The following PHLDB2 variants were observed in gnomAD, a reference collection of about 807,000 sequenced individuals.
PHLDB2 encodes the protein pleckstrin homology like domain family B member 2.
In PHLDB2, 71 loss-of-function variants were observed where a neutral mutation model predicts 123.6. That is an observed-to-expected ratio of 0.57 (90% CI 0.47 to 0.70). The LOEUF (loss-of-function observed/expected upper bound fraction) is 0.70, where lower values mean the gene tolerates loss of function less well. Ranked by LOEUF, PHLDB2 falls within the 30% of genes least tolerant of loss-of-function variation. The pLI is 0.00. For synonymous variants in PHLDB2, 547 were observed against 541.6 expected, an observed-to-expected ratio of 1.01 and a Z score of -0.14; for missense variants, 1,446 against 1,519.5, an observed-to-expected ratio of 0.95 and a Z score of 0.80.
intron 1 of PHLDB2, among the ~76,000 whole-genome samples, chr3:111,830,977 G>GA (rs1202224943): frequency 9.5e-5 from 4 of 42,286 alleles, no homozygotes; most frequent in Admixed American, 5.4e-4. Context: ...AAGAAAGAAA[G>GA]AAAGAAAGAA....
intron 1 of PHLDB2, among the ~76,000 whole-genome samples, chr3:111,760,089 C>T (rs1189409089): frequency 6.6e-6 from 1 of 152,218 alleles, no homozygotes; most frequent in African/African-American, 2.4e-5. Flanking sequence ...TTCACTTCCA[C>T]TAGGTCAGAG....
rs904094999 is a variant in PHLDB2 at position 111,938,965 on chromosome 3, G to A, written c.2131-510G>A. ...TGGGACTACAGGTGCCCACCACCACGCCCAGCTAACTTTTGTATTTTTAGT... is the reference window on the plus strand; with the variant it reads ...TGGGACTACAGGTGCCCACCACCACACCCAGCTAACTTTTGTATTTTTAGT... On this transcript the variant is annotated intron_variant, in intron 6 of 17. Coordinates refer to ENST00000431670, the MANE Select transcript of PHLDB2 (RefSeq NM_001134438.2). Among the ~76,000 whole-genome samples, 7 of 151,908 alleles carry A rather than the reference G, an allele frequency of 4.6e-5. No homozygotes were observed. The South Asian group carries it at 6.2e-4, about 14-fold the overall frequency.
chr3:111,970,584 G>A (rs2072107027), intron 16 of PHLDB2, among the ~76,000 whole-genome samples: 1 of 152,088 alleles, frequency 6.6e-6, no homozygotes, highest in Non-Finnish European at 1.5e-5. Context: ...CTTAAATGTT[G>A]GCTGACAAGA....
intron 4 of PHLDB2, 127 bp from the exon 5 acceptor site, chr3:111,920,155 G>A: frequency 9.8e-7 from 1 of 1,022,474 alleles, no homozygotes; most frequent in Non-Finnish European, 1.4e-6. Context: ...GTGTTCTCAG[G>A]CACCCGATCT....
chr3:111,769,369 C>T (rs1424172734), intron 1 of PHLDB2, among the ~76,000 whole-genome samples: 3 of 152,098 alleles, frequency 2.0e-5, no homozygotes, highest in African/African-American at 7.2e-5. Flanking sequence ...GTGTCCAAAC[C>T]CTTGCTTGGC....
At chr3:111,829,439 T>G (rs1404236102) in intron 1 of PHLDB2, among the ~76,000 whole-genome samples, 2 of 140,926 alleles carry the variant, frequency 1.4e-5, no homozygotes, top group Non-Finnish European at 3.0e-5. Flanking sequence ...ATCTGATATT[T>G]CTTTTTCTTT....
rs150930443 is a variant in PHLDB2, at chr3:111,919,703, A to G, written c.1863+488A>G. 2.9e-3 allele frequency among the ~76,000 whole-genome samples: 445 copies of G among 152,372 alleles called. 4 individuals are homozygous for G. Among genetic ancestry groups the G allele is most frequent in the African/African-American group, 9.9e-3 (413 of 41,590 alleles). On this transcript the variant is annotated intron_variant, in intron 4 of 17. Transcript: ENST00000431670. ...AGAGAACACATATTGCATAACCACA[A>G]TAGAAGACAGTGGCATTTTTATGTT...
At chr3:111,806,723 T>A (rs1460354241) in intron 1 of PHLDB2, among the ~76,000 whole-genome samples, 2 of 152,088 alleles carry the variant, frequency 1.3e-5, no homozygotes, top group African/African-American at 4.8e-5. Flanking sequence ...TGACCTCAGG[T>A]GATCCGCCTG....
intron 5 of PHLDB2, among the ~76,000 whole-genome samples, chr3:111,930,037 G>A (rs2069038606): frequency 2.0e-5 from 3 of 149,698 alleles, no homozygotes; most frequent in Admixed American, 6.7e-5. Flanking sequence ...TCAGCCTCCC[G>A]AGTAGCTGGG....
chr3:111,962,042 G>A, intron 12 of PHLDB2, 66 bp from the exon 13 acceptor site: 1 of 1,444,656 alleles, frequency 6.9e-7, no homozygotes, highest in Non-Finnish European at 9.5e-7. Flanking sequence ...GCTTGTGTCT[G>A]TAGATGTTTA....
chr3:111,920,718 G>A (rs1382955914), intron 5 of PHLDB2, among the ~76,000 whole-genome samples: 1 of 152,126 alleles, frequency 6.6e-6, no homozygotes, highest in Non-Finnish European at 1.5e-5. Context: ...TGGCCTTTCT[G>A]CTTTTCTGAT....
intron 2 of PHLDB2, among the ~76,000 whole-genome samples, chr3:111,888,428 G>A (rs1163233918): frequency 2.0e-5 from 3 of 152,072 alleles, no homozygotes; most frequent in Non-Finnish European, 2.9e-5. Flanking sequence ...TGTCACTTGA[G>A]TAATAAAGAA....
intron 1 of PHLDB2, among the ~76,000 whole-genome samples, chr3:111,753,695 T>G (rs923351805): frequency 2.0e-5 from 3 of 152,170 alleles, no homozygotes; most frequent in African/African-American, 7.2e-5. Flanking sequence ...TGCCATTGCT[T>G]TTGGTGTTTT....
chr3:111,827,118 AC>A (rs1398090904), intron 1 of PHLDB2, among the ~76,000 whole-genome samples: 1 of 152,222 alleles, frequency 6.6e-6, no homozygotes, highest in Non-Finnish European at 1.5e-5. Context: ...ACCTAGAACA[AC>A]CTGCAAACTA....
chr3:111,768,725 A>G (rs945517293), intron 1 of PHLDB2, among the ~76,000 whole-genome samples: 9 of 152,158 alleles, frequency 5.9e-5, no homozygotes, highest in Admixed American at 6.5e-5. Flanking sequence ...TGGGATTTAA[A>G]TGTCTTCCTG....
chr3:111,738,380 T>C (rs1401469073), intron 1 of PHLDB2, among the ~76,000 whole-genome samples: 1 of 152,222 alleles, frequency 6.6e-6, no homozygotes, highest in Non-Finnish European at 1.5e-5. Flanking sequence ...TTTACACATC[T>C]TGGGGATGGC....
At chr3:111,790,019 T>G (rs2060848485) in intron 1 of PHLDB2, among the ~76,000 whole-genome samples, 1 of 152,166 alleles carries the variant, frequency 6.6e-6, no homozygotes, top group Non-Finnish European at 1.5e-5. Flanking sequence ...CTATCATGAC[T>G]CCATGGGCGT....
chr3:111,847,302 A>G (rs1223063559), intron 2 of PHLDB2, among the ~76,000 whole-genome samples: 16 of 152,218 alleles, frequency 1.1e-4, no homozygotes, highest in Non-Finnish European at 4.4e-5. Flanking sequence ...TCATGTATGA[A>G]GTTCTGAGAG....
chr3:111,815,098 G>A (rs373373007), intron 1 of PHLDB2, among the ~76,000 whole-genome samples: 109 of 152,208 alleles, frequency 7.2e-4, no homozygotes, highest in African/African-American at 2.5e-3. Flanking sequence ...AAGATATGAC[G>A]TGCTCCTCCT....
Sources: allele counts gnomAD v4.1 joint callset (sites outside exome capture counted in the v4.1 genomes callset), GRCh38; gene constraint gnomAD v4.1.1; transcripts MANE v1.5; gene names NCBI Gene and HGNC (gene_info 2026-07-23, HGNC 2026-07-21).